Variants in PCDHA9 observed in about 807,000 individuals in gnomAD.
PCDHA9 encodes the protein protocadherin alpha 9, also known as protocadherin alpha-9.
In PCDHA9, 62 loss-of-function variants were observed where a neutral mutation model predicts 62.0. The observed-to-expected ratio is 1.00, with a 90% CI of 0.81 to 1.23. The LOEUF (loss-of-function observed/expected upper bound fraction) is 1.23. Ranked by LOEUF, PCDHA9 falls within the 50% of genes most tolerant of loss-of-function variation. The probability of loss-of-function intolerance (pLI) is 0.00; values close to 1 mark genes in which losing one functional copy is unlikely to be tolerated. For missense variants in PCDHA9, 1,205 were observed against 1,249.8 expected (o/e 0.96, Z 0.54); for synonymous variants, 557 against 567.6 (o/e 0.98, Z 0.27).
At chr5:140,995,393 G>T (rs1267179638) in intron 3 of PCDHA9, among the ~76,000 whole-genome samples, 5 of 152,184 alleles carry the variant, frequency 3.3e-5, no homozygotes, top group Non-Finnish European at 7.3e-5. Flanking sequence ...GATAAAGCGG[G>T]ATGGCTCGAG....
chr5:140,941,194 TC>T lies in PCDHA9; in HGVS notation c.2395-37754del, dbSNP rs1420421121. 9.3e-3 allele frequency among the ~76,000 whole-genome samples: 1,044 copies of T among 112,328 alleles called. 8 individuals carry two copies. The highest frequency in any genetic ancestry group is 0.018 in the Admixed American group (200 of 11,012). 73.7% of individuals were successfully genotyped at this position (112,328 alleles called of 152,430 possible). The stretch of plus-strand genomic sequence containing the variant: ...CTTGAACATCCTGCTTCTTTTTTTT[TC>T]TTTCTTCCTTTCTTTCTTCCTTTCT... On this transcript the variant is annotated intron_variant, in intron 1 of 3. Coordinates refer to ENST00000532602, the MANE Select transcript of PCDHA9 (RefSeq NM_031857.2).
At chr5:140,983,226 T>C (rs892083218) in intron 3 of PCDHA9, among the ~76,000 whole-genome samples, 1 of 152,216 alleles carries the variant, frequency 6.6e-6, no homozygotes, top group Non-Finnish European at 1.5e-5. Context: ...ATCCAAACTT[T>C]CAGGAAAGAG....
intron 1 of PCDHA9, among the ~76,000 whole-genome samples, chr5:140,935,509 C>T (rs2090411551): frequency 6.6e-6 from 1 of 152,080 alleles, no homozygotes; most frequent in Admixed American, 6.6e-5. Context: ...TTACAAATGC[C>T]CAGTAGGCAT....
At position 140,854,083 on chromosome 5, in the gene PCDHA9, G is replaced by T. The variant is rs545797216; in HGVS notation, c.2394+3194G>T. 8.5e-5 allele frequency: 23 copies of T among 269,910 alleles called. No individual in the cohort carries two copies. The East Asian group carries it at 3.2e-3, about 37-fold the overall frequency. The allele number at this position is 269,910 out of a possible 1,614,324, so 16.7% of individuals were successfully genotyped here. ...AGGCTGAGGCGAGAGAATCGCTTGA[G>T]CCTGGGACATTGAGGCTGCAGTGAA... On this transcript the variant is annotated intron_variant, in intron 1 of 3. Transcript: ENST00000532602.
intron 1 of PCDHA9, chr5:140,853,216 G>T: frequency 1.0e-6 from 1 of 983,832 alleles, no homozygotes; most frequent in Non-Finnish European, 1.2e-6. Context: ...TGTATTGATG[G>T]GATTGGTAAT....
intron 1 of PCDHA9, chr5:140,884,380 C>T (rs1281344307): frequency 6.2e-7 from 1 of 1,613,980 alleles, no homozygotes; most frequent in Non-Finnish European, 8.5e-7. Context: ...TCATTGCCAT[C>T]TGCGCGGTGT....
chr5:140,912,222 C>G (rs782160814), intron 1 of PCDHA9, among the ~76,000 whole-genome samples: 2 of 151,926 alleles, frequency 1.3e-5, no homozygotes, highest in Non-Finnish European at 2.9e-5. Flanking sequence ...CTGCCTTTCC[C>G]AGTCCACTGA....
At chr5:140,908,971 C>T (rs2074247509) in intron 1 of PCDHA9, among the ~76,000 whole-genome samples, 1 of 152,274 alleles carries the variant, frequency 6.6e-6, no homozygotes, top group Admixed American at 6.5e-5. Flanking sequence ...TGATAGGCCC[C>T]ACTCCACTGG....
In PCDHA9 at chr5:140,869,909, G is replaced by A. The variant is rs781996593; in HGVS notation, c.2394+19020G>A. ...GTGCTCAAACTAAACGCCACAGACCGAGACGAAGGAGTCAATGGAGAGGTA... is the reference window on the plus strand; with the variant it reads ...GTGCTCAAACTAAACGCCACAGACCAAGACGAAGGAGTCAATGGAGAGGTA... On this transcript the variant is annotated intron_variant, in intron 1 of 3. Transcript: ENST00000532602. 2.6e-5 allele frequency: 42 copies of A among 1,610,632 alleles called. No individual in the cohort carries two copies. Among genetic ancestry groups the A allele is most frequent in the Non-Finnish European group, 3.1e-5 (36 of 1,178,298 alleles).
chr5:140,987,433 T>C (rs2097253895), intron 3 of PCDHA9, among the ~76,000 whole-genome samples: 1 of 152,108 alleles, frequency 6.6e-6, no homozygotes. Flanking sequence ...CAGGGGGCCT[T>C]TCCCCATGCC....
chr5:140,967,210 C>A, intron 1 of PCDHA9: 1 of 1,613,674 alleles, frequency 6.2e-7, no homozygotes, highest in Non-Finnish European at 8.5e-7. Flanking sequence ...CACCGCGTTT[C>A]CCGCGGCCCA....
At chr5:140,859,421 T>A in intron 1 of PCDHA9, 1 of 232,516 alleles carries the variant, frequency 4.3e-6, no homozygotes, top group Non-Finnish European at 8.1e-6. Flanking sequence ...TGATATAGAC[T>A]CAGAAATGAA....
At chr5:140,863,220 G>C in intron 1 of PCDHA9, 1 of 1,115,318 alleles carries the variant, frequency 9.0e-7, no homozygotes, top group African/African-American at 1.6e-5. Flanking sequence ...GCCAAGCGAG[G>C]AAGGTCCCAT....
chr5:140,947,549 C>T (rs530708816), intron 1 of PCDHA9, among the ~76,000 whole-genome samples: 11 of 151,312 alleles, frequency 7.3e-5, no homozygotes, highest in Admixed American at 2.0e-4. Context: ...CAAAGAATTC[C>T]GCTGGGATTT....
intron 1 of PCDHA9, among the ~76,000 whole-genome samples, chr5:140,939,358 A>C (rs1291026920): frequency 1.3e-5 from 2 of 152,172 alleles, no homozygotes; most frequent in Admixed American, 1.3e-4. Flanking sequence ...TTATGATTGC[A>C]AAGGAGGAGG....
chr5:140,877,372 A>T, intron 1 of PCDHA9: 6 of 1,613,992 alleles, frequency 3.7e-6, no homozygotes, highest in Non-Finnish European at 5.1e-6. Flanking sequence ...GATCAGCACG[A>T]CACGCATCCT....
At chr5:140,868,370 A>C (rs1424656791) in intron 1 of PCDHA9, 2 of 152,204 alleles carry the variant, frequency 1.3e-5, no homozygotes, top group African/African-American at 4.8e-5. Flanking sequence ...TGTAAATAAC[A>C]GTAAAGAATG....
intron 1 of PCDHA9, chr5:140,882,453 G>C: frequency 1.2e-6 from 2 of 1,614,042 alleles, no homozygotes; most frequent in South Asian, 2.2e-5. Flanking sequence ...CTGGTGCCGC[G>C]CCTGTTCCGG....
At chr5:140,871,840 C>G (rs1214510248) in intron 1 of PCDHA9, among the ~76,000 whole-genome samples, 1 of 152,256 alleles carries the variant, frequency 6.6e-6, no homozygotes, top group Admixed American at 6.5e-5. Context: ...CTCTAAACTT[C>G]AATTATGACC....
Sources: gnomAD v4.1 joint callset for allele counts (sites outside exome capture counted in the v4.1 genomes callset) on GRCh38, gnomAD v4.1.1 for gene constraint, MANE v1.5 for transcripts, NCBI Gene and HGNC (gene_info 2026-07-23, HGNC 2026-07-21) for gene names.